SAMM50: variants seen among roughly 807,000 people sequenced by gnomAD.
The protein encoded by SAMM50 is sorting and assembly machinery component 50 homolog.
SAMM50 carries 47 observed loss-of-function variants against 66.9 expected under a neutral mutation model. The ratio of observed to expected loss-of-function variants is 0.70; its 90% CI spans 0.56 to 0.90. SAMM50 has a LOEUF of 0.90. Ranked by LOEUF, SAMM50 falls within the 40% of genes least tolerant of loss-of-function variation. The probability of loss-of-function intolerance (pLI) is 0.00; values close to 1 mark genes in which losing one functional copy is unlikely to be tolerated. For missense variants in SAMM50, 535 were observed against 595.3 expected (o/e 0.90, Z 1.05); for synonymous variants, 191 against 214.1 (o/e 0.89, Z 0.94).
chr22:43,984,083 C>T (rs759825707), intron 12 of SAMM50, 83 bp downstream of exon 12: 193 of 1,139,526 alleles, frequency 1.7e-4, no homozygotes, highest in Non-Finnish European at 2.4e-4. Context: ...TAGCTTACAG[C>T]GATAATAGAC....
chr22:43,957,466 A>T (rs1030657072), intron 1 of SAMM50: 4 of 239,422 alleles, frequency 1.7e-5, no homozygotes, highest in South Asian at 4.9e-5. Flanking sequence ...TGTGTTGCCC[A>T]GGCTGGAGTG....
Position 43,964,506 on chromosome 22 carries a change from ATCAT to A in SAMM50, c.189_192del (p.Ile64ValfsTer12). 1 of 1,612,922 alleles carries A rather than the reference ATCAT, an allele frequency of 6.2e-7. No homozygotes were observed. Among genetic ancestry groups the A allele is most frequent in the Non-Finnish European group, 8.5e-7 (1 of 1,178,930 alleles). On this transcript the variant is annotated frameshift_variant, in exon 3 of 15. Transcript: ENST00000350028. LOFTEE classifies it high-confidence loss of function. ...ACTTGGAAGGACTAAAGATGATATC[ATCAT>A]TTGTGAAATTGGAGATGTTTTCAAG...
In SAMM50 at chr22:43,972,269, C is replaced by T. The variant is rs1569028578; in HGVS notation, c.356C>T (p.Thr119Ile). The T allele has an allele frequency of 6.2e-7, 1 of 1,604,250 alleles. No individual in the cohort carries two copies. The highest frequency in any genetic ancestry group is 1.7e-5 in the Admixed American group (1 of 57,176). ...GCACTTCCAAATGGGTTAGACGTTA[C>T]CTTTGAAGTAACTGAATTGAGGAGA... ...DDALPNGLDV[T>I]FEVTELRRLT... Residue 119 changes from threonine to isoleucine, a missense_variant, in exon 5 of 15, where the codon ACC (threonine) becomes ATC (isoleucine). Physicochemically the swap from Thr to Ile is moderately conservative, Grantham distance 89. Transcript: ENST00000350028.
Position 43,968,828 on chromosome 22 carries a change from G to A in SAMM50, c.322+10G>A, listed in dbSNP as rs202136181. On this transcript the variant is annotated intron_variant, in intron 4 of 14. Transcript: ENST00000350028. ...ATTGACACATGTCAAGGTACATATT[G>A]TGGTGTAGTATCTTTATAATTCCCT... 6 of 1,581,594 alleles carry A rather than the reference G, an allele frequency of 3.8e-6. No homozygotes were observed. Among genetic ancestry groups the A allele is most frequent in the Non-Finnish European group, 5.2e-6 (6 of 1,150,752 alleles).
rs769263451 is a variant in SAMM50, at chr22:43,990,333, G to T, written c.1291G>T (p.Val431Phe). The T allele has an allele frequency of 7.4e-6, 12 of 1,614,176 alleles. No homozygotes were observed. The highest frequency in any genetic ancestry group is 1.0e-5 in the Non-Finnish European group (12 of 1,180,022). Reference protein sequence around the residue: ...CIRWSYGAGIVLRLGNIARLE... With the variant: ...CIRWSYGAGIFLRLGNIARLE... ...CCGCTGGTCGTACGGGGCCGGGATT[G>T]TCCTCAGGCTTGGCAACATCGCTCG... is the stretch of plus-strand genomic sequence containing the variant. The change falls in exon 14 of 15, where the codon GTC (valine) becomes TTC (phenylalanine). Residue 431 changes from valine (V) to phenylalanine (F), a missense_variant. Coordinates refer to ENST00000350028, the MANE Select transcript of SAMM50 (RefSeq NM_015380.5).
intron 10 of SAMM50, 102 bp downstream of exon 10, chr22:43,978,060 C>T (rs2050242272): frequency 1.3e-6 from 1 of 767,792 alleles, no homozygotes; most frequent in Non-Finnish European, 2.2e-6. Flanking sequence ...AGAGTGGAAG[C>T]CTGGGCGGTA....
At chr22:43,975,769 C>A in intron 7 of SAMM50, 1 of 318,194 alleles carries the variant, frequency 3.1e-6, no homozygotes, top group Non-Finnish European at 6.0e-6. Flanking sequence ...ATAGAGCTGC[C>A]TGCAGCCCTC....
At chr22:43,995,737 T>A (rs1291934696) in intron 14 of SAMM50, among the ~76,000 whole-genome samples, 1 of 152,220 alleles carries the variant, frequency 6.6e-6, no homozygotes, top group African/African-American at 2.4e-5. Flanking sequence ...ATGGGTCTGG[T>A]GGTTTGTTCC....
chr22:43,996,246 C>T lies in SAMM50; in HGVS notation c.1365-92C>T, dbSNP rs542348357. ...CAGCAGGAGGAGGAGGAAGCGGAGGCGGCACCTTCTGAGAGGCGCATGCTC... is the reference window on the plus strand; with the variant it reads ...CAGCAGGAGGAGGAGGAAGCGGAGGTGGCACCTTCTGAGAGGCGCATGCTC... On this transcript the variant is annotated intron_variant, in intron 14 of 14. Transcript: ENST00000350028. 9.3e-5 allele frequency: 127 copies of T among 1,364,534 alleles called. 1 individual carries two copies. The South Asian group carries it at 1.4e-3, about 15-fold the overall frequency. The allele number at this position is 1,364,534 out of a possible 1,614,324, so 84.5% of individuals were successfully genotyped here. A position where few individuals can be genotyped will look rare whatever the true frequency, so the allele number is the denominator to read the frequency against.
intron 8 of SAMM50, 94 bp from the exon 9 acceptor site, chr22:43,976,656 G>C: frequency 1.2e-6 from 1 of 848,278 alleles, no homozygotes. Context: ...TAGTTGTAGA[G>C]TGCTAGCGTG....
In SAMM50 at chr22:43,983,449, A is replaced by C. The variant is rs1414810079; in HGVS notation, c.1008-484A>C. 1.3e-5 allele frequency among the ~76,000 whole-genome samples: 2 copies of C among 152,244 alleles called. No individual in the cohort carries two copies. The highest frequency in any genetic ancestry group is 2.9e-5 in the Non-Finnish European group (2 of 68,032). ...TAGGGAACAAGAGGAGCTCATATTT[A>C]AAAATTATAAACCTAACAAGAATTC... is the stretch of plus-strand genomic sequence containing the variant. On this transcript the variant is annotated intron_variant, in intron 11 of 14. Coordinates refer to ENST00000350028, the MANE Select transcript of SAMM50 (RefSeq NM_015380.5). The surrounding 1 kb of genome is among the most constrained non-coding windows in gnomAD (Gnocchi z 4.2).
chr22:43,971,100 G>A (rs1447406905), intron 4 of SAMM50, among the ~76,000 whole-genome samples: 1 of 152,150 alleles, frequency 6.6e-6, no homozygotes, highest in Non-Finnish European at 1.5e-5. Context: ...CCCGGGAGGT[G>A]GAGGTTGTGG....
At chr22:43,974,318 C>T (rs367868301) in intron 7 of SAMM50, among the ~76,000 whole-genome samples, 2 of 152,190 alleles carry the variant, frequency 1.3e-5, no homozygotes, top group African/African-American at 4.8e-5. Flanking sequence ...TTGACTCCCC[C>T]GTCTCCCTTA....
intron 4 of SAMM50, 31 bp downstream of exon 4, chr22:43,968,849 T>G: frequency 6.8e-7 from 1 of 1,470,810 alleles, no homozygotes; most frequent in Non-Finnish European, 9.5e-7. Context: ...TCTTTATAAT[T>G]CCCTTTCTGT....
In SAMM50 at chr22:43,955,541, C is replaced by G. The variant is rs754519677; in HGVS notation, c.-37C>G. 6.3e-7 allele frequency: 1 copy of G among 1,591,600 alleles called. No homozygotes were observed. Among genetic ancestry groups the G allele is most frequent in the South Asian group, 1.1e-5 (1 of 87,726 alleles). ...TCAGCAGCAGACGCTCTGTCCCGCCCGGGCAGCTCTGCGAGGCAGCGGCTG... is the reference window on the plus strand; with the variant it reads ...TCAGCAGCAGACGCTCTGTCCCGCCGGGGCAGCTCTGCGAGGCAGCGGCTG... On this transcript the variant is annotated 5_prime_UTR_variant, in exon 1 of 15. Coordinates refer to ENST00000350028, the MANE Select transcript of SAMM50 (RefSeq NM_015380.5).
At chr22:43,967,313 A>G (rs1194591236) in intron 3 of SAMM50, among the ~76,000 whole-genome samples, 2 of 152,144 alleles carry the variant, frequency 1.3e-5, no homozygotes, top group Non-Finnish European at 2.9e-5. Context: ...CTCCAGCTCC[A>G]TGGGGCTGAG....
intron 3 of SAMM50, among the ~76,000 whole-genome samples, chr22:43,965,718 C>T (rs1226488536): frequency 8.6e-6 from 1 of 115,902 alleles, no homozygotes; most frequent in African/African-American, 4.1e-5. Flanking sequence ...AACAGTAATG[C>T]CATTCTCTAC....
At chr22:43,962,814 A>ATTAGGT (rs2050153080) in intron 1 of SAMM50, among the ~76,000 whole-genome samples, 1 of 149,714 alleles carries the variant, frequency 6.7e-6, no homozygotes, top group Non-Finnish European at 1.5e-5. Context: ...GATGTCCAGA[A>ATTAGGT]TTAGGTTGGT....
chr22:43,986,043 C>CTT (rs550939157), intron 12 of SAMM50, among the ~76,000 whole-genome samples: 18 of 134,164 alleles, frequency 1.3e-4, no homozygotes, highest in African/African-American at 1.7e-4. Context: ...TTCTTTCTTT[C>CTT]TTTTTTTTTT....
Sources: allele counts gnomAD v4.1 joint callset (sites outside exome capture counted in the v4.1 genomes callset), GRCh38; gene constraint gnomAD v4.1.1; non-coding constraint Gnocchi (gnomAD v3.1); transcripts MANE v1.5; gene names NCBI Gene and HGNC (gene_info 2026-07-23, HGNC 2026-07-21).